The following DCLK2 variants were observed in gnomAD, a reference collection of about 807,000 sequenced individuals.
DCLK2 encodes serine/threonine-protein kinase DCLK2.
DCLK2 carries 31 observed loss-of-function variants against 78.4 expected under a neutral mutation model. The ratio of observed to expected loss-of-function variants is 0.40; its 90% confidence interval spans 0.30 to 0.53. The LOEUF (loss-of-function observed/expected upper bound fraction) is 0.53. Among genes scored for constraint, DCLK2 ranks in the 20% least tolerant of loss-of-function variants. DCLK2 has a pLI of 0.61. For synonymous variants in DCLK2, 407 were observed against 374.9 expected (o/e 1.09, Z -0.99); for missense variants, 872 against 973.7 (o/e 0.90, Z 1.39).
intron 2 of DCLK2, among the ~76,000 whole-genome samples, chr4:150,110,197 A>C (rs1166951362): frequency 6.6e-6 from 1 of 152,230 alleles, no homozygotes; most frequent in East Asian, 1.9e-4. Flanking sequence ...ACATCACTGC[A>C]AACTCTCTTG....
chr4:150,084,298 A>G (rs142893872), intron 1 of DCLK2, among the ~76,000 whole-genome samples: 13 of 152,352 alleles, frequency 8.5e-5, no homozygotes, highest in Admixed American at 3.3e-4. Context: ...TTAGTTGTCT[A>G]GGGAAGTTTT....
At chr4:150,210,680 G>A (rs929638761) in intron 5 of DCLK2, among the ~76,000 whole-genome samples, 51 of 152,076 alleles carry the variant, frequency 3.4e-4, no homozygotes, top group African/African-American at 1.2e-3. Flanking sequence ...AGGCACAGTC[G>A]CTCACGCCTT....
At chr4:150,175,036 A>ATATATTTATATATATATTTT (rs1736886225) in intron 2 of DCLK2, among the ~76,000 whole-genome samples, 1 of 47,192 alleles carries the variant, frequency 2.1e-5, no homozygotes, top group African/African-American at 7.4e-5. Flanking sequence ...ATATATATTT[A>ATATATTTATATATATATTTT]TATATATTTA....
At chr4:150,091,496 C>T (rs1215234801) in intron 1 of DCLK2, among the ~76,000 whole-genome samples, 1 of 151,840 alleles carries the variant, frequency 6.6e-6, no homozygotes, top group Non-Finnish European at 1.5e-5. Context: ...ATAAGTTTTC[C>T]TTTTTATCAT....
At chr4:150,089,109 G>T (rs1194437941) in intron 1 of DCLK2, among the ~76,000 whole-genome samples, 2 of 152,164 alleles carry the variant, frequency 1.3e-5, no homozygotes, top group African/African-American at 4.8e-5. Context: ...AACCTTTCTG[G>T]TCCAAGCATT....
At chr4:150,241,321 C>T (rs978564015) in intron 12 of DCLK2, among the ~76,000 whole-genome samples, 10 of 152,226 alleles carry the variant, frequency 6.6e-5, no homozygotes, top group Admixed American at 3.9e-4. Context: ...GAGCAGGGCA[C>T]GGGAGCACAC....
chr4:150,206,039 T>A (rs1739820294), intron 5 of DCLK2, among the ~76,000 whole-genome samples: 1 of 152,198 alleles, frequency 6.6e-6, no homozygotes. Flanking sequence ...CATCTTCACC[T>A]CTAAACCCAA....
At chr4:150,214,816 G>T (rs1347688593) in intron 5 of DCLK2, among the ~76,000 whole-genome samples, 2 of 151,980 alleles carry the variant, frequency 1.3e-5, no homozygotes, top group Non-Finnish European at 2.9e-5. Context: ...ACAAAAATTA[G>T]CCAGGCGTGG....
At position 150,256,305 on chromosome 4, in the gene DCLK2, G is replaced by A. The variant is rs939277620; in HGVS notation, c.*58G>A. 76 of 1,444,294 alleles carry A rather than the reference G, an allele frequency of 5.3e-5. No individual in the cohort carries two copies. The highest frequency in any genetic ancestry group is 4.4e-5 in the Non-Finnish European group (49 of 1,103,054). The allele number at this position is 1,444,294 out of a possible 1,614,324, so 89.5% of individuals were successfully genotyped here. On this transcript the variant is annotated 3_prime_UTR_variant, in exon 16 of 16. Transcript: ENST00000296550. ...AGCCCAGGAAGCCAGCCCTCTGCTC[G>A]GCCTCGCCGGCCTCCCTGCTGCAGG...
rs1018193268 is a variant in DCLK2 at position 150,114,615 on chromosome 4, T to A, written c.756+11803T>A. 9.2e-5 allele frequency among the ~76,000 whole-genome samples: 14 copies of A among 152,218 alleles called. 1 individual carries two copies. The highest frequency in any genetic ancestry group is 2.4e-4 in the African/African-American group (10 of 41,454). ...GTAACATTTCCTTAGCATTTGCTTC[T>A]CTGAAAAAGACTTTATTTTGCCTTC... is the stretch of plus-strand genomic sequence containing the variant. On this transcript the variant is annotated intron_variant, in intron 2 of 15. Transcript: ENST00000296550.
intron 2 of DCLK2, among the ~76,000 whole-genome samples, chr4:150,175,096 A>T (rs184575993): frequency 5.9e-5 from 3 of 50,984 alleles, no homozygotes; most frequent in Non-Finnish European, 1.0e-4. Context: ...ATATATATTT[A>T]TATATATTTA....
At chr4:150,254,256 GC>G (rs1334723997) in intron 15 of DCLK2, among the ~76,000 whole-genome samples, 1 of 152,244 alleles carries the variant, frequency 6.6e-6, no homozygotes, top group Non-Finnish European at 1.5e-5. Context: ...GGGGGATTAT[GC>G]CTTGTTTCAG....
intron 15 of DCLK2, 22 bp from the exon 16 acceptor site, chr4:150,255,998 G>A (rs1415646741): frequency 1.9e-6 from 3 of 1,610,184 alleles, no homozygotes; most frequent in Middle Eastern, 1.7e-4. Context: ...GTAATGTGTT[G>A]TCTCTGCTGT....
chr4:150,192,072 A>C (rs887535306), intron 2 of DCLK2, among the ~76,000 whole-genome samples: 1 of 152,210 alleles, frequency 6.6e-6, no homozygotes, highest in African/African-American at 2.4e-5. Flanking sequence ...GTCCTAGAAG[A>C]TGGTTCTTCT....
intron 10 of DCLK2, among the ~76,000 whole-genome samples, chr4:150,239,025 A>G (rs575978350): frequency 1.3e-3 from 203 of 152,188 alleles, no homozygotes; most frequent in African/African-American, 4.8e-3. Flanking sequence ...CACTTAATAC[A>G]CCATTTCTTG....
intron 5 of DCLK2, among the ~76,000 whole-genome samples, chr4:150,219,914 A>G (rs1050779696): frequency 6.6e-6 from 1 of 152,224 alleles, no homozygotes; most frequent in Non-Finnish European, 1.5e-5. Flanking sequence ...TATGTTGGTA[A>G]CAAAGACACA....
At position 150,221,667 on chromosome 4, in the gene DCLK2, C is replaced by T; in HGVS notation, c.1133-10C>T. Reference sequence around the variant, plus strand: ...GTTTTCTTTAGAATTTGCATTTATCCTTTTTGCAGGTGTGAATGGAAACAG... The same window carrying T: ...GTTTTCTTTAGAATTTGCATTTATCTTTTTTGCAGGTGTGAATGGAAACAG... On this transcript the variant is annotated splice_polypyrimidine_tract_variant and intron_variant, in intron 6 of 15. Transcript: ENST00000296550. 6.4e-7 allele frequency: 1 copy of T among 1,569,602 alleles called. No homozygotes were observed. The highest frequency in any genetic ancestry group is 1.2e-5 in the South Asian group (1 of 82,556).
intron 4 of DCLK2, among the ~76,000 whole-genome samples, chr4:150,199,959 A>T (rs1486625293): frequency 1.3e-5 from 2 of 152,178 alleles, no homozygotes; most frequent in East Asian, 3.9e-4. Context: ...AGCTATGATG[A>T]TAGTGCCTGT....
chr4:150,146,509 A>G (rs1332842968), intron 2 of DCLK2, among the ~76,000 whole-genome samples: 1 of 152,042 alleles, frequency 6.6e-6, no homozygotes, highest in Non-Finnish European at 1.5e-5. Context: ...AGAATTTATA[A>G]ACTAGTTGCC....
Sources: gnomAD v4.1 joint callset for allele counts (sites outside exome capture counted in the v4.1 genomes callset) on GRCh38, gnomAD v4.1.1 for gene constraint, MANE v1.5 for transcripts, NCBI Gene and HGNC (gene_info 2026-07-23, HGNC 2026-07-21) for gene names.